RBM26: variants seen among roughly 807,000 people sequenced by gnomAD.
RBM26 encodes RNA-binding protein 26.
RBM26 carries 30 observed loss-of-function variants against 123.6 expected under a neutral mutation model. The observed-to-expected ratio is 0.24, with a 90% CI of 0.18 to 0.33. The LOEUF (loss-of-function observed/expected upper bound fraction) is 0.33, where lower values mean the gene tolerates loss of function less well. Among genes scored for constraint, RBM26 ranks in the 10% least tolerant of loss-of-function variants. The pLI is 1.00. For synonymous variants in RBM26, 400 were observed against 404.4 expected, an observed-to-expected ratio of 0.99 and a Z score of 0.13; for missense variants, 947 against 1,203.6, an observed-to-expected ratio of 0.79 and a Z score of 3.15.
At chr13:79,363,438 A>C (rs766848689) in intron 9 of RBM26, among the ~76,000 whole-genome samples, 28 of 152,194 alleles carry the variant, frequency 1.8e-4, no homozygotes, top group Admixed American at 1.2e-3. Context: ...AGAAGGACTA[A>C]AGGCAATCCT....
chr13:79,369,143 T>C (rs1303455077), intron 5 of RBM26, among the ~76,000 whole-genome samples, 153 bp from the exon 6 acceptor site: 1 of 152,118 alleles, frequency 6.6e-6, no homozygotes, highest in Non-Finnish European at 1.5e-5. Flanking sequence ...TCAATTAATA[T>C]ACAATGTTAA....
Position 79,319,767 on chromosome 13 carries a change from T to C in RBM26, c.*854A>G, listed in dbSNP as rs532144527. On this transcript the variant is annotated 3_prime_UTR_variant, in exon 22 of 22. Transcript: ENST00000438737. ...ACTCAAGTGGTATAATTTTTAAACA[T>C]TGGATTGTACATTATTGTAAGGGTA... is the stretch of plus-strand genomic sequence containing the variant. The C allele has an allele frequency of 9.8e-5, 96 of 980,820 alleles. No individual in the cohort carries two copies. Among genetic ancestry groups the C allele is most frequent in the East Asian group, 2.3e-4 (2 of 8,774 alleles). The allele number at this position is 980,820 out of a possible 1,614,324, so 60.8% of individuals were successfully genotyped here.
At chr13:79,374,732 G>A (rs1346837508) in intron 3 of RBM26, among the ~76,000 whole-genome samples, 1 of 151,988 alleles carries the variant, frequency 6.6e-6, no homozygotes, top group African/African-American at 2.4e-5. Context: ...ACTTTTGCGA[G>A]TTATCTAACA....
intron 17 of RBM26, 133 bp downstream of exon 17, chr13:79,342,530 CA>C (rs1172792100): frequency 1.6e-6 from 1 of 629,688 alleles, no homozygotes; most frequent in Non-Finnish European, 2.7e-6. Flanking sequence ...TTATTTATGG[CA>C]GGGGGAGAAT....
chr13:79,380,200 T>G (rs2076974236), intron 1 of RBM26, among the ~76,000 whole-genome samples: 2 of 152,192 alleles, frequency 1.3e-5, no homozygotes, highest in South Asian at 4.1e-4. Context: ...CATGTCCATT[T>G]AGAGAGAACT....
chr13:79,364,578 C>T (rs533892634), intron 9 of RBM26, among the ~76,000 whole-genome samples: 1 of 152,268 alleles, frequency 6.6e-6, no homozygotes, highest in South Asian at 2.1e-4. Flanking sequence ...TCCTTCATTT[C>T]CCTATATCAA....
intron 20 of RBM26, among the ~76,000 whole-genome samples, chr13:79,333,103 T>C (rs1749988): frequency 0.5 from 76,789 of 152,064 alleles, 19,802 homozygotes; most frequent in Middle Eastern, 0.6. Context: ...TACTCTAAAC[T>C]TGCACTTAAC....
chr13:79,340,831 T>G (rs1274471797), intron 18 of RBM26, among the ~76,000 whole-genome samples: 1 of 151,960 alleles, frequency 6.6e-6, no homozygotes, highest in Non-Finnish European at 1.5e-5. Context: ...ATAAGTTTTC[T>G]ATTCCAGGGA....
At chr13:79,397,310 C>G (rs1486776688) in intron 1 of RBM26, among the ~76,000 whole-genome samples, 1 of 152,108 alleles carries the variant, frequency 6.6e-6, no homozygotes, top group Non-Finnish European at 1.5e-5. Flanking sequence ...GAGCCAATAT[C>G]AGTAATACTG....
chr13:79,385,011 G>C (rs1397573985), intron 1 of RBM26, among the ~76,000 whole-genome samples: 1 of 152,172 alleles, frequency 6.6e-6, no homozygotes, highest in Admixed American at 6.5e-5. Flanking sequence ...AAAGAAGCTG[G>C]AGGTGGTAGT....
chr13:79,323,079 T>C (rs2067883139), intron 20 of RBM26, among the ~76,000 whole-genome samples: 1 of 151,512 alleles, frequency 6.6e-6, no homozygotes, highest in African/African-American at 2.4e-5. Context: ...AACTCTTCTA[T>C]TGAAAAACAG....
chr13:79,387,511 T>C (rs2077587308), intron 1 of RBM26, among the ~76,000 whole-genome samples: 1 of 152,094 alleles, frequency 6.6e-6, no homozygotes, highest in Non-Finnish European at 1.5e-5. Context: ...ATTCACTAGT[T>C]ATATAATCCT....
chr13:79,363,282 G>A (rs1566456695), intron 9 of RBM26, among the ~76,000 whole-genome samples: 1 of 152,086 alleles, frequency 6.6e-6, no homozygotes, highest in East Asian at 1.9e-4. Context: ...TAGGCTATTA[G>A]GAACGTGTAA....
intron 14 of RBM26, among the ~76,000 whole-genome samples, chr13:79,346,425 C>A (rs915468906): frequency 6.6e-6 from 1 of 152,088 alleles, no homozygotes; most frequent in Non-Finnish European, 1.5e-5. Context: ...GTCACCCAGG[C>A]TGGAGCATAG....
chr13:79,313,303 T>C (rs1219732297), exon 5 of RBM26: 1 of 151,852 alleles, frequency 6.6e-6, no homozygotes, highest in Non-Finnish European at 1.5e-5. Context: ...TTAGTGAGAA[T>C]CAAGTCATCT....
rs115578886 is a variant in RBM26, at chr13:79,366,623, A to T, written c.1135+10T>A. 1,003 of 1,521,592 alleles carry T rather than the reference A, an allele frequency of 6.6e-4. 5 individuals are homozygous for T. In the African/African-American group the frequency reaches 0.012, roughly 19 times the overall value. 94.3% of individuals were successfully genotyped at this position (1,521,592 alleles called of 1,614,324 possible). On this transcript the variant is annotated intron_variant, in intron 7 of 21. Transcript: ENST00000438737. ...TAGATAAATACAGGGAAACAAACAG[A>T]TTTACTTACCTGTAACAGGTGGGAG...
At chr13:79,390,496 T>A (rs2077868399) in intron 1 of RBM26, among the ~76,000 whole-genome samples, 1 of 152,196 alleles carries the variant, frequency 6.6e-6, no homozygotes, top group Admixed American at 6.5e-5. Flanking sequence ...GGTAATGTTA[T>A]CTTAACAGGT....
rs56071300 is a variant in RBM26, at chr13:79,319,949, C to CTTTTTTTTTTTTTT, written c.*658_*671dup. ...TTTAAATCAAGGAACATTGTCTTGG[C>CTTTTTTTTTTTTTT]TTTTTTTTTTTTTTTTTTTTTGTCA... On this transcript the variant is annotated 3_prime_UTR_variant, in exon 22 of 22. Coordinates refer to ENST00000438737, the MANE Select transcript of RBM26 (RefSeq NM_001366735.2). 22 of 116,100 alleles carry CTTTTTTTTTTTTTT rather than the reference C, an allele frequency of 1.9e-4. No individual in the cohort carries two copies. The highest frequency in any genetic ancestry group is 4.1e-3 in the East Asian group (2 of 484). 7.2% of individuals were successfully genotyped at this position (116,100 alleles called of 1,614,324 possible).
In RBM26 at chr13:79,404,788, A is replaced by T. The variant is rs185122953; in HGVS notation, c.71+916T>A. 4.9e-4 allele frequency among the ~76,000 whole-genome samples: 75 copies of T among 152,296 alleles called. 1 individual carries two copies. In the Middle Eastern group the frequency reaches 0.01, roughly 21 times the overall value. ...TAGCCCCCCTCATAATCACTTTTACATGATTCTCTATTATTACAATAGTCA... is the reference window on the plus strand; with the variant it reads ...TAGCCCCCCTCATAATCACTTTTACTTGATTCTCTATTATTACAATAGTCA... On this transcript the variant is annotated intron_variant, in intron 1 of 21. Transcript: ENST00000438737.
Sources: allele counts gnomAD v4.1 joint callset (sites outside exome capture counted in the v4.1 genomes callset), GRCh38; gene constraint gnomAD v4.1.1; transcripts MANE v1.5; gene names NCBI Gene and HGNC (gene_info 2026-07-23, HGNC 2026-07-21).